Variants in NPLOC4 observed in about 807,000 individuals in gnomAD.
The protein encoded by NPLOC4 is NPL4 homolog, ubiquitin recognition factor, also known as nuclear protein localization protein 4 homolog.
A neutral mutation model predicts 80.6 loss-of-function variants in NPLOC4; 18 were observed. The observed-to-expected ratio is 0.22, with a 90% CI of 0.15 to 0.33. The LOEUF is 0.33. NPLOC4 is among the 10% of genes least tolerant of loss of function. The pLI is 1.00. For missense variants in NPLOC4, 540 were observed against 786.1 expected, an observed-to-expected ratio of 0.69 and a Z score of 3.74; for synonymous variants, 313 against 301.5, an observed-to-expected ratio of 1.04 and a Z score of -0.39.
chr17:81,559,276 T>C lies in NPLOC4; in HGVS notation c.1810A>G (p.Ser604Gly), dbSNP rs1218329161. Residue 604 changes from serine (S) to glycine (G), a missense_variant, in exon 17 of 17, where the codon AGC (serine) becomes GGC (glycine). By Grantham distance (56) the Ser-to-Gly change is moderately conservative (BLOSUM62 0). Around this residue, in one of 6 missense-constraint regions of NPLOC4, gnomAD observed 87 missense variants for 70.3 expected, o/e 1.24. Transcript: ENST00000331134. ...CAGGCGCCCTAGGTCCTGGGGAGGC[T>C]GCACATCTCGCAGTGGCCTGTGCCT... Reference protein sequence around the residue: ...QPGTGHCEMCSLPRT With the variant: ...QPGTGHCEMCGLPRT 1 of 1,603,986 alleles carries C rather than the reference T, an allele frequency of 6.2e-7. No individual in the cohort carries two copies. Among genetic ancestry groups the C allele is most frequent in the African/African-American group, 1.3e-5 (1 of 74,804 alleles).
At chr17:81,610,035 G>C (rs961496856) in intron 5 of NPLOC4, among the ~76,000 whole-genome samples, 175 bp downstream of exon 5, 2 of 152,162 alleles carry the variant, frequency 1.3e-5, no homozygotes, top group African/African-American at 4.8e-5. Flanking sequence ...ATAAATAAAG[G>C]CTCGTCCTGT....
chr17:81,623,592 A>G (rs2035723973), intron 2 of NPLOC4, among the ~76,000 whole-genome samples: 1 of 151,438 alleles, frequency 6.6e-6, no homozygotes, highest in Non-Finnish European at 1.5e-5. Flanking sequence ...AGGTCAGGAG[A>G]TCGAGACCAT....
intron 1 of NPLOC4, among the ~76,000 whole-genome samples, chr17:81,636,132 G>C (rs754081963): frequency 6.3e-4 from 96 of 152,132 alleles, no homozygotes; most frequent in Non-Finnish European, 9.4e-4. Flanking sequence ...ATGACGCCCG[G>C]CTAATTTTTT....
In NPLOC4 at chr17:81,564,299, A is replaced by G. The variant is rs138614878; in HGVS notation, c.1669+1206T>C. 600 of 157,476 alleles carry G rather than the reference A, an allele frequency of 3.8e-3. 1 individual carries two copies. The Middle Eastern group carries it at 0.039, about 10-fold the overall frequency. The allele number at this position is 157,476 out of a possible 1,614,324, so 9.8% of individuals were successfully genotyped here. A position where few individuals can be genotyped will look rare whatever the true frequency, so the allele number is the denominator to read the frequency against. On this transcript the variant is annotated intron_variant, in intron 16 of 16. Transcript: ENST00000331134. ...AAACAAACAAATAAAAAGCAACAAC[A>G]AAGCCCCAAGAATTAGCTGGGTGTG...
chr17:81,565,495 G>A lies in NPLOC4; in HGVS notation c.1669+10C>T. On this transcript the variant is annotated intron_variant, in intron 16 of 16. Coordinates refer to ENST00000331134, the MANE Select transcript of NPLOC4 (RefSeq NM_017921.4). ...CACGGGGTGCCGGGGCAGGGGGTGG[G>A]GGTACTCACTGCACAGCTGCTCGAT... The A allele has an allele frequency of 6.5e-7, 1 of 1,540,630 alleles. No homozygotes were observed. Among genetic ancestry groups the A allele is most frequent in the South Asian group, 1.2e-5 (1 of 83,932 alleles).
At position 81,559,312 on chromosome 17, in the gene NPLOC4, T is replaced by C; in HGVS notation, c.1774A>G (p.Met592Val). The C allele has an allele frequency of 2.5e-6, 4 of 1,606,866 alleles. No homozygotes were observed. The highest frequency in any genetic ancestry group is 3.4e-6 in the Non-Finnish European group (4 of 1,177,132). Residue 592 changes from methionine (M) to valine (V), a missense_variant, in exon 17 of 17, where the codon ATG becomes GTG. Physicochemically the swap from Met to Val is conservative, Grantham distance 21. Transcript: ENST00000331134. The part of the protein sequence containing the change: ...AMWACQHCTF[M>V]NQPGTGHCEM... ...CAGTGGCCTGTGCCTGGCTGGTTCA[T>C]GAACGTGCAGTGCTGACAGGCCCAC...
intron 16 of NPLOC4, chr17:81,563,926 G>C (rs2033927295): frequency 2.2e-6 from 1 of 454,966 alleles, no homozygotes; most frequent in East Asian, 7.0e-5. Context: ...CGTACATAAA[G>C]ATGGCAACGC....
chr17:81,570,858 G>C (rs1222996715), intron 13 of NPLOC4, among the ~76,000 whole-genome samples: 1 of 152,196 alleles, frequency 6.6e-6, no homozygotes, highest in Non-Finnish European at 1.5e-5. Context: ...AGGAGCCTGG[G>C]CATCACAGAG....
At chr17:81,608,906 G>A in intron 5 of NPLOC4, 84 bp from the exon 6 acceptor site, 1 of 1,065,834 alleles carries the variant, frequency 9.4e-7, no homozygotes, top group Non-Finnish European at 1.4e-6. Context: ...ACAGGGGGAG[G>A]CCAGCAGCAT....
In NPLOC4 at chr17:81,572,450, C is replaced by G. The variant is rs1257038190; in HGVS notation, c.1282-362G>C. Reference sequence around the variant, plus strand: ...TCGTGATCCACCCGCCTCAGCCCCCCAAAGTGCTGGGATTACAGGCGTGAG... The same window carrying G: ...TCGTGATCCACCCGCCTCAGCCCCCGAAAGTGCTGGGATTACAGGCGTGAG... On this transcript the variant is annotated intron_variant, in intron 12 of 16. Coordinates refer to ENST00000331134, the MANE Select transcript of NPLOC4 (RefSeq NM_017921.4). The surrounding 1 kb of genome is among the most constrained non-coding windows in gnomAD (Gnocchi z 4.5). Among the ~76,000 whole-genome samples, 1 of 152,226 alleles carries G rather than the reference C, an allele frequency of 6.6e-6. No individual in the cohort carries two copies. The highest frequency in any genetic ancestry group is 2.4e-5 in the African/African-American group (1 of 41,448).
intron 3 of NPLOC4, among the ~76,000 whole-genome samples, chr17:81,619,706 C>T (rs898866451): frequency 2.6e-5 from 4 of 151,874 alleles, no homozygotes; most frequent in Non-Finnish European, 5.9e-5. Flanking sequence ...CGGTGAAACC[C>T]TGTCTCTACT....
chr17:81,561,468 A>C (rs2033846680), intron 16 of NPLOC4, among the ~76,000 whole-genome samples: 1 of 152,316 alleles, frequency 6.6e-6, no homozygotes, highest in South Asian at 2.1e-4. Flanking sequence ...AAATTTATTT[A>C]TCAATTTACC....
At chr17:81,568,910 G>T in intron 14 of NPLOC4, 106 bp downstream of exon 14, 1 of 772,792 alleles carries the variant, frequency 1.3e-6, no homozygotes. Context: ...TCACAAGAAT[G>T]AATCGGGAGC....
intron 16 of NPLOC4, chr17:81,565,271 AC>A (rs2033974230): frequency 1.5e-6 from 1 of 689,350 alleles, no homozygotes; most frequent in Non-Finnish European, 2.6e-6. Context: ...TATAAAATTT[AC>A]AGGGCTGTGT....
At chr17:81,622,737 G>A (rs1368417401) in intron 2 of NPLOC4, among the ~76,000 whole-genome samples, 1 of 152,018 alleles carries the variant, frequency 6.6e-6, no homozygotes, top group Non-Finnish European at 1.5e-5. Context: ...TTTTAGTAGA[G>A]ATGGAGTTTC....
At chr17:81,584,490 G>T (rs1425724634) in intron 12 of NPLOC4, among the ~76,000 whole-genome samples, 1 of 152,168 alleles carries the variant, frequency 6.6e-6, no homozygotes, top group East Asian at 1.9e-4. Context: ...CACAGTTAAT[G>T]ATAAAATCCT....
rs62074738 is a variant in NPLOC4, at chr17:81,630,667, G to C, written c.16-862C>G. 4.0e-5 allele frequency among the ~76,000 whole-genome samples: 6 copies of C among 151,718 alleles called. No individual in the cohort carries two copies. The East Asian group carries it at 1.2e-3, about 29-fold the overall frequency. ...GAGGCCAAGGCGGTGGATCACTTGA[G>C]CTCAGAAGTTCAAGACCAGTGGGCA... On this transcript the variant is annotated intron_variant, in intron 1 of 16. Transcript: ENST00000331134.
chr17:81,601,564 T>C (rs1360650976), intron 8 of NPLOC4, among the ~76,000 whole-genome samples: 1 of 152,158 alleles, frequency 6.6e-6, no homozygotes, highest in African/African-American at 2.4e-5. Flanking sequence ...GCCTCAATTA[T>C]ACTTTTAATA....
At chr17:81,622,732 G>A (rs1408276238) in intron 2 of NPLOC4, among the ~76,000 whole-genome samples, 2 of 151,918 alleles carry the variant, frequency 1.3e-5, no homozygotes, top group Non-Finnish European at 2.9e-5. Context: ...TGTATTTTTA[G>A]TAGAGATGGA....
Sources: allele counts gnomAD v4.1 joint callset (sites outside exome capture counted in the v4.1 genomes callset), GRCh38; gene constraint gnomAD v4.1.1; regional missense constraint gnomAD v4.1.1; non-coding constraint Gnocchi (gnomAD v3.1); transcripts MANE v1.5; gene names NCBI Gene and HGNC (gene_info 2026-07-23, HGNC 2026-07-21).